RALGPS2: variants seen among roughly 807,000 people sequenced by gnomAD.
The protein encoded by RALGPS2 is Ral GEF with PH domain and SH3 binding motif 2.
A neutral mutation model predicts 86.8 loss-of-function variants in RALGPS2; 43 were observed. The observed-to-expected ratio is 0.50, with a 90% CI of 0.39 to 0.64. The LOEUF is 0.64. RALGPS2 is among the 30% of genes least tolerant of loss of function. RALGPS2 has a pLI of 0.00. For missense variants in RALGPS2, 536 were observed against 694.6 expected (o/e 0.77, Z 2.57); for synonymous variants, 243 against 231.3 (o/e 1.05, Z -0.46).
rs78136827 is a variant in RALGPS2, at chr1:178,747,382, T to C, written c.-84+21963T>C. ...TATTTTCTAATTGTGGTAGATGTAC[T>C]GTATAATACGACTTCACATCTTCTG... On this transcript the variant is annotated intron_variant, in intron 1 of 19. Transcript: ENST00000367635. 6.1e-3 allele frequency: 9,374 copies of C among 1,529,608 alleles called. 405 individuals carry two copies. The East Asian group carries it at 0.12, about 19-fold the overall frequency. 94.8% of individuals were successfully genotyped at this position (1,529,608 alleles called of 1,614,324 possible). A position where few individuals can be genotyped will look rare whatever the true frequency, so the allele number is the denominator to read the frequency against.
At chr1:178,853,419 T>C (rs1657311842) in intron 8 of RALGPS2, among the ~76,000 whole-genome samples, 1 of 152,150 alleles carries the variant, frequency 6.6e-6, no homozygotes, top group African/African-American at 2.4e-5. Flanking sequence ...TGCAATTTAA[T>C]TTTGACTTTA....
Position 178,807,913 on chromosome 1 carries a change from A to G in RALGPS2, c.214-132A>G, listed in dbSNP as rs886508234. On this transcript the variant is annotated intron_variant, in intron 4 of 19. Transcript: ENST00000367635. ...TGTGATCCAACTGAATGGATATAAT[A>G]TTATGTATGTTCCCATTAAATAAAG... 5.8e-6 allele frequency: 4 copies of G among 691,962 alleles called. No homozygotes were observed. In the South Asian group the frequency reaches 6.7e-5, roughly 12 times the overall value. The allele number at this position is 691,962 out of a possible 1,614,324, so 42.9% of individuals were successfully genotyped here.
chr1:178,907,394 T>G (rs1660434104), intron 19 of RALGPS2, among the ~76,000 whole-genome samples: 1 of 152,186 alleles, frequency 6.6e-6, no homozygotes, highest in Non-Finnish European at 1.5e-5. Context: ...ATTATTCGAA[T>G]TCATCTTTAT....
At chr1:178,778,155 G>A (rs1447788602) in intron 2 of RALGPS2, among the ~76,000 whole-genome samples, 1 of 127,426 alleles carries the variant, frequency 7.8e-6, no homozygotes, top group African/African-American at 3.7e-5. Flanking sequence ...CTGACAAAGT[G>A]CTAATATCCA....
chr1:178,796,945 C>T (rs1654221416), intron 4 of RALGPS2, among the ~76,000 whole-genome samples: 1 of 152,082 alleles, frequency 6.6e-6, no homozygotes, highest in Admixed American at 6.5e-5. Flanking sequence ...TTGAAGATTT[C>T]TCTTTACTAC....
chr1:178,901,784 G>A (rs1198576291), intron 17 of RALGPS2, among the ~76,000 whole-genome samples: 1 of 151,454 alleles, frequency 6.6e-6, no homozygotes. Flanking sequence ...CTTCCTATAA[G>A]GAGTAGTACA....
At chr1:178,889,834 T>G (rs1659646605) in intron 14 of RALGPS2, 138 bp downstream of exon 14, 2 of 538,810 alleles carry the variant, frequency 3.7e-6, no homozygotes, top group Admixed American at 7.6e-5. Context: ...AATTAGAAGT[T>G]GATATTTAAG....
At chr1:178,779,577 T>A (rs182215156) in intron 2 of RALGPS2, among the ~76,000 whole-genome samples, 4 of 152,342 alleles carry the variant, frequency 2.6e-5, no homozygotes, top group African/African-American at 9.6e-5. Flanking sequence ...TTAAGCATTT[T>A]TGATGGACCA....
intron 2 of RALGPS2, among the ~76,000 whole-genome samples, chr1:178,780,182 TC>T (rs1653321811): frequency 6.6e-6 from 1 of 152,102 alleles, no homozygotes; most frequent in Non-Finnish European, 1.5e-5. Flanking sequence ...TAGAAACAAG[TC>T]ACAGGTTCTG....
chr1:178,871,552 C>A (rs561374318), intron 8 of RALGPS2, among the ~76,000 whole-genome samples: 25 of 152,120 alleles, frequency 1.6e-4, no homozygotes, highest in African/African-American at 5.3e-4. Context: ...TTTAAACTTA[C>A]AAGAAACTTG....
At chr1:178,767,053 C>G (rs1169979159) in intron 1 of RALGPS2, among the ~76,000 whole-genome samples, 1 of 152,080 alleles carries the variant, frequency 6.6e-6, no homozygotes, top group Non-Finnish European at 1.5e-5. Flanking sequence ...TTTTTCAGTT[C>G]CTTCAGCTTA....
chr1:178,879,043 C>T (rs1198710332), intron 10 of RALGPS2, 51 bp downstream of exon 10: 2 of 1,586,812 alleles, frequency 1.3e-6, no homozygotes, highest in African/African-American at 1.4e-5. Flanking sequence ...TGTCCTCCAC[C>T]TTTCTATCCC....
chr1:178,890,175 ACTTTTAT>A (rs1245375667), intron 14 of RALGPS2, among the ~76,000 whole-genome samples: 1 of 151,930 alleles, frequency 6.6e-6, no homozygotes, highest in Non-Finnish European at 1.5e-5. Flanking sequence ...TTCAGAGTAC[ACTTTTAT>A]ACTGAAATAC....
chr1:178,866,702 C>T (rs1658434284), intron 8 of RALGPS2, among the ~76,000 whole-genome samples: 1 of 152,134 alleles, frequency 6.6e-6, no homozygotes, highest in Non-Finnish European at 1.5e-5. Flanking sequence ...GTACTCTGTG[C>T]ATGTTGAAGG....
intron 7 of RALGPS2, 90 bp from the exon 8 acceptor site, chr1:178,833,334 A>G: frequency 8.3e-7 from 1 of 1,201,108 alleles, no homozygotes; most frequent in Non-Finnish European, 1.1e-6. Flanking sequence ...ATTAAAATCC[A>G]TATTCACAGT....
At chr1:178,850,180 G>C (rs943871164) in intron 8 of RALGPS2, 7 of 152,592 alleles carry the variant, frequency 4.6e-5, no homozygotes, top group South Asian at 2.1e-4. Context: ...AGTCCCACCT[G>C]TTCTGAGCAT....
chr1:178,901,990 A>G (rs1358609638), intron 17 of RALGPS2, 116 bp from the exon 18 acceptor site: 1 of 712,620 alleles, frequency 1.4e-6, no homozygotes, highest in African/African-American at 1.8e-5. Flanking sequence ...ACCAGCATGA[A>G]GTCACAAATC....
chr1:178,746,001 T>C (rs2102032136), intron 1 of RALGPS2, among the ~76,000 whole-genome samples: 1 of 152,064 alleles, frequency 6.6e-6, no homozygotes, highest in East Asian at 1.9e-4. Flanking sequence ...TTTGTATTTT[T>C]AGTAGAGATG....
At chr1:178,907,271 T>G (rs1660426790) in intron 19 of RALGPS2, among the ~76,000 whole-genome samples, 1 of 152,102 alleles carries the variant, frequency 6.6e-6, no homozygotes, top group Non-Finnish European at 1.5e-5. Context: ...GCAGGGAGCC[T>G]GAAGCTGGAA....
Sources: allele counts gnomAD v4.1 joint callset (sites outside exome capture counted in the v4.1 genomes callset), GRCh38; gene constraint gnomAD v4.1.1; transcripts MANE v1.5; gene names NCBI Gene and HGNC (gene_info 2026-07-23, HGNC 2026-07-21).